Variants in RAG1 observed in about 807,000 individuals in gnomAD.
RAG1 encodes the protein recombination activating 1.
Under a neutral mutation model 62.7 loss-of-function variants are expected in RAG1, and 35 were observed. The observed-to-expected ratio is 0.56, with a 90% CI of 0.43 to 0.74. The LOEUF is 0.74. RAG1 is among the 30% of genes least tolerant of loss of function. The pLI is 0.00. For synonymous variants in RAG1, 461 were observed against 470.3 expected, an observed-to-expected ratio of 0.98 and a Z score of 0.26; for missense variants, 1,169 against 1,278.6, an observed-to-expected ratio of 0.91 and a Z score of 1.31.
At chr11:36,517,010 G>T (rs1430291735) in intron 1 of RAG1, among the ~76,000 whole-genome samples, 1 of 152,208 alleles carries the variant, frequency 6.6e-6, no homozygotes, top group Non-Finnish European at 1.5e-5. Context: ...ATTGCTGATG[G>T]TTGCTAGGTG....
Position 36,576,094 on chromosome 11 carries a change from G to A in RAG1, c.2790G>A (p.Arg930=). 1 of 1,614,012 alleles carries A rather than the reference G, an allele frequency of 6.2e-7. No homozygotes were observed. The highest frequency in any genetic ancestry group is 1.3e-5 in the African/African-American group (1 of 75,040). ...TCCTTTCTACGAAGTTCAAGTATAG[G>A]TATGAGGGAAAAATCACCAATTATT... ...AELLSTKFKY[R]YEGKITNYFH... Residue 930 remains arginine (R), a synonymous_variant, in exon 2 of 2, where the codon AGG becomes AGA. Coordinates refer to ENST00000299440, the MANE Select transcript of RAG1 (RefSeq NM_000448.3).
At chr11:36,563,083 A>G (rs948815805), upstream of RAG1, among the ~76,000 whole-genome samples, 24 of 151,846 alleles carry the variant, frequency 1.6e-4, no homozygotes, top group African/African-American at 4.8e-4. Flanking sequence ...ATTAGAACCC[A>G]CTCTAATGAC....
chr11:36,544,169 C>T (rs958921029), intron 3 of RAG1, among the ~76,000 whole-genome samples: 4 of 152,228 alleles, frequency 2.6e-5, no homozygotes, highest in Non-Finnish European at 2.9e-5. Flanking sequence ...GACCTATAAA[C>T]GTGGCAGAGA....
At chr11:36,531,626 CAT>C (rs555586735) in intron 2 of RAG1, among the ~76,000 whole-genome samples, 357 of 152,056 alleles carry the variant, frequency 2.3e-3, no homozygotes, top group African/African-American at 8.4e-3. Flanking sequence ...CACCATCAAA[CAT>C]AATTTTGGTG....
At chr11:36,539,709 C>T (rs2133263116), downstream of RAG1, among the ~76,000 whole-genome samples, 1 of 152,304 alleles carries the variant, frequency 6.6e-6, no homozygotes, top group East Asian at 1.9e-4. Context: ...AACTCCTAAC[C>T]TCAGGTGATC....
intron 3 of RAG1, among the ~76,000 whole-genome samples, chr11:36,561,715 C>T (rs1483470370): frequency 6.6e-6 from 1 of 152,112 alleles, no homozygotes; most frequent in Non-Finnish European, 1.5e-5. Flanking sequence ...ATTTTCCTAG[C>T]CTTGGACTAA....
At chr11:36,569,629 T>C (rs1417008534) in intron 1 of RAG1, among the ~76,000 whole-genome samples, 1 of 152,242 alleles carries the variant, frequency 6.6e-6, no homozygotes, top group East Asian at 1.9e-4. Context: ...TGAGCACATA[T>C]ACAGCTAGTC....
intron 1 of RAG1, among the ~76,000 whole-genome samples, chr11:36,515,207 G>A (rs1428505850): frequency 1.3e-5 from 2 of 152,162 alleles, no homozygotes; most frequent in African/African-American, 2.4e-5. Context: ...TGTGCCAGAA[G>A]CAAGAATAAG....
At chr11:36,551,069 C>G (rs1850474797) in intron 3 of RAG1, among the ~76,000 whole-genome samples, 1 of 152,100 alleles carries the variant, frequency 6.6e-6, no homozygotes, top group African/African-American at 2.4e-5. Flanking sequence ...TAGCAACTCT[C>G]CTACAGAATA....
chr11:36,574,383 C>A lies in RAG1; in HGVS notation c.1079C>A (p.Ala360Glu). 1 of 1,614,174 alleles carries A rather than the reference C, an allele frequency of 6.2e-7. No individual in the cohort carries two copies. Among genetic ancestry groups the A allele is most frequent in the South Asian group, 1.1e-5 (1 of 91,080 alleles). ...AATTCCCTGATGGTGAAATGTCCAG[C>A]AAAAGAGTGCAATGAGGAGGTCAGT... ...VLNSLMVKCP[A>E]KECNEEVSLE... The change falls in exon 2 of 2, where the codon GCA (alanine) becomes GAA (glutamate). Residue 360 changes from alanine (A) to glutamate (E), a missense_variant. Physicochemically the swap from Ala to Glu is moderately radical, Grantham distance 107. Around this residue, in one of 2 missense-constraint regions of RAG1, gnomAD observed 800 missense variants for 943.3 expected, o/e 0.85. Coordinates refer to ENST00000299440, the MANE Select transcript of RAG1 (RefSeq NM_000448.3).
chr11:36,530,192 A>G (rs1860231969), intron 2 of RAG1, among the ~76,000 whole-genome samples: 1 of 151,936 alleles, frequency 6.6e-6, no homozygotes, highest in South Asian at 2.1e-4. Flanking sequence ...TGACATTGGT[A>G]ACTTATTACT....
chr11:36,526,297 T>C (rs1328797530), intron 2 of RAG1, among the ~76,000 whole-genome samples: 1 of 140,034 alleles, frequency 7.1e-6, no homozygotes, highest in African/African-American at 2.7e-5. Context: ...TGTGTTCTCA[T>C]TATCCAACTG....
In RAG1 at chr11:36,574,267, C is replaced by G. The variant is rs755593263; in HGVS notation, c.963C>G (p.Leu321=). The change falls in exon 2 of 2, where the codon CTC becomes CTG. Residue 321 remains leucine (L), a synonymous_variant. Transcript: ENST00000299440. The part of the protein sequence containing the change: ...VFCRVCILRC[L]KVMGSYCPSC... ...GCCGGGTCTGCATTCTCAGATGCCTCAAAGTCATGGGCAGCTATTGTCCCT... is the reference window on the plus strand; with the variant it reads ...GCCGGGTCTGCATTCTCAGATGCCTGAAAGTCATGGGCAGCTATTGTCCCT... The G allele has an allele frequency of 2.5e-6, 4 of 1,614,188 alleles. No individual in the cohort carries two copies. The East Asian group carries it at 8.9e-5, about 36-fold the overall frequency.
intron 2 of RAG1, among the ~76,000 whole-genome samples, chr11:36,528,061 C>T (rs745680786): frequency 3.3e-5 from 5 of 151,964 alleles, no homozygotes; most frequent in Non-Finnish European, 5.9e-5. Flanking sequence ...GACTTTAACA[C>T]CCACTGTCAA....
Position 36,577,510 on chromosome 11 carries a change from G to A in RAG1, c.*1074G>A, listed in dbSNP as rs529708456. 3.6e-5 allele frequency: 6 copies of A among 167,154 alleles called. No individual in the cohort carries two copies. In the South Asian group the frequency reaches 1.2e-3, roughly 35 times the overall value. 10.4% of individuals were successfully genotyped at this position (167,154 alleles called of 1,614,324 possible). On this transcript the variant is annotated 3_prime_UTR_variant, in exon 2 of 2. Transcript: ENST00000299440. The stretch of plus-strand genomic sequence containing the variant: ...CTTTCAGTGGATTCAGAATTGTGTA[G>A]CAGGATAACCTTGTATTTTTCCATC...
chr11:36,558,303 C>T (rs1031627920), intron 3 of RAG1, among the ~76,000 whole-genome samples: 5 of 152,162 alleles, frequency 3.3e-5, no homozygotes, highest in Admixed American at 2.0e-4. Context: ...GTCTGTATTA[C>T]AGTTTAAATC....
intron 3 of RAG1, among the ~76,000 whole-genome samples, chr11:36,551,656 T>C (rs1850486415): frequency 6.8e-6 from 1 of 146,848 alleles, no homozygotes; most frequent in African/African-American, 2.5e-5. Flanking sequence ...GTGCACATTG[T>C]GCAGGTTAGT....
At chr11:36,562,767 T>C (rs933983674) in intron 3 of RAG1, among the ~76,000 whole-genome samples, 3 of 152,040 alleles carry the variant, frequency 2.0e-5, no homozygotes, top group East Asian at 1.9e-4. Flanking sequence ...CATAAGAAAA[T>C]ATATATTTTC....
In RAG1 at chr11:36,574,474, T is replaced by C; in HGVS notation, c.1170T>C (p.Asn390=). The C allele has an allele frequency of 6.2e-7, 1 of 1,614,150 alleles. No individual in the cohort carries two copies. Among genetic ancestry groups the C allele is most frequent in the African/African-American group, 1.3e-5 (1 of 75,050 alleles). Residue 390 remains asparagine, a synonymous_variant, in exon 2 of 2, where the codon AAT becomes AAC. Coordinates refer to ENST00000299440, the MANE Select transcript of RAG1 (RefSeq NM_000448.3). Reference sequence around the variant, plus strand: ...CAAAAGAGATTTTTGTGCACATTAATAAAGGGGGCCGGCCCCGCCAACATC... The same window carrying C: ...CAAAAGAGATTTTTGTGCACATTAACAAAGGGGGCCGGCCCCGCCAACATC... ...KESKEIFVHI[N]KGGRPRQHLL... is the part of the protein sequence containing the mutation.
Sources: gnomAD v4.1 joint callset for allele counts (sites outside exome capture counted in the v4.1 genomes callset) on GRCh38, gnomAD v4.1.1 for gene constraint, gnomAD v4.1.1 regional missense constraint, MANE v1.5 for transcripts, NCBI Gene and HGNC (gene_info 2026-07-23, HGNC 2026-07-21) for gene names.